AMOTL1: variants seen among roughly 807,000 people sequenced by gnomAD.
AMOTL1 encodes angiomotin-like protein 1.
In AMOTL1, 45 loss-of-function variants were observed where a neutral mutation model predicts 102.9. The ratio of observed to expected loss-of-function variants is 0.44; its 90% CI spans 0.34 to 0.56. AMOTL1 has a LOEUF of 0.56. AMOTL1 is among the 20% of genes least tolerant of loss of function. The pLI is 0.01. For synonymous variants in AMOTL1, 481 were observed against 484.7 expected (o/e 0.99, Z 0.10); for missense variants, 1,114 against 1,225.6 (o/e 0.91, Z 1.36).
chr11:94,727,484 A>G (rs944265458), intron 1 of AMOTL1, among the ~76,000 whole-genome samples: 2 of 152,146 alleles, frequency 1.3e-5, no homozygotes, highest in Admixed American at 6.6e-5. Flanking sequence ...CTGATGTCTC[A>G]GTTGGCTAAC....
intron 4 of AMOTL1, among the ~76,000 whole-genome samples, chr11:94,825,853 C>G (rs1052936772): frequency 2.6e-5 from 4 of 152,194 alleles, no homozygotes; most frequent in African/African-American, 9.7e-5. Flanking sequence ...CTTCCCATTC[C>G]TTAGTAATCC....
intron 3 of AMOTL1, among the ~76,000 whole-genome samples, chr11:94,811,697 GCAA>G: frequency 6.6e-6 from 1 of 152,010 alleles, no homozygotes; most frequent in East Asian, 1.9e-4. Context: ...AAACAAACAA[GCAA>G]CAACAACAAC....
At chr11:94,747,132 C>T (rs1415181908) in intron 3 of AMOTL1, among the ~76,000 whole-genome samples, 2 of 152,010 alleles carry the variant, frequency 1.3e-5, no homozygotes, top group African/African-American at 4.8e-5. Flanking sequence ...AATTTTTAAA[C>T]TTTAGTTTTT....
At chr11:94,792,220 A>T (rs2135554474) in intron 1 of AMOTL1, among the ~76,000 whole-genome samples, 1 of 152,332 alleles carries the variant, frequency 6.6e-6, no homozygotes, top group Non-Finnish European at 1.5e-5. Context: ...TATCGCAAGG[A>T]CAGGAAACCA....
intron 3 of AMOTL1, among the ~76,000 whole-genome samples, chr11:94,812,832 AT>A (rs1410314863): frequency 2.0e-5 from 3 of 151,910 alleles, no homozygotes; most frequent in Non-Finnish European, 4.4e-5. Context: ...TGGGAAACTC[AT>A]TTTTCTGTTG....
At chr11:94,849,031 A>G (rs747556949) in intron 6 of AMOTL1, among the ~76,000 whole-genome samples, 8 of 152,222 alleles carry the variant, frequency 5.3e-5, no homozygotes, top group Non-Finnish European at 8.8e-5. Context: ...GGAACATTGA[A>G]ATGGTGTGGG....
chr11:94,856,031 C>T (rs1952655304), intron 8 of AMOTL1, among the ~76,000 whole-genome samples: 1 of 152,196 alleles, frequency 6.6e-6, no homozygotes, highest in African/African-American at 2.4e-5. Context: ...TTGTGATGCT[C>T]AGCATCTCTT....
chr11:94,737,409 C>T (rs1188331418), intron 2 of AMOTL1, among the ~76,000 whole-genome samples: 1 of 152,222 alleles, frequency 6.6e-6, no homozygotes, highest in African/African-American at 2.4e-5. Context: ...TGTAAAGGAG[C>T]ATGGCATCCA....
chr11:94,758,881 C>T (rs1457938078), intron 3 of AMOTL1, among the ~76,000 whole-genome samples: 3 of 152,070 alleles, frequency 2.0e-5, no homozygotes, highest in East Asian at 1.9e-4. Flanking sequence ...TCCAAGGCCA[C>T]GCTGCTCTCT....
Position 94,873,764 on chromosome 11 carries a change from T to C in AMOTL1, c.*2969T>C, listed in dbSNP as rs902623324. 2 of 148,874 alleles carry C rather than the reference T, an allele frequency of 1.3e-5. No individual in the cohort carries two copies. The highest frequency in any genetic ancestry group is 6.8e-5 in the Admixed American group (1 of 14,772). 9.2% of individuals were successfully genotyped at this position (148,874 alleles called of 1,614,324 possible). A position where few individuals can be genotyped will look rare whatever the true frequency, so the allele number is the denominator to read the frequency against. Reference sequence around the variant, plus strand: ...TCTATGCCTGTCTGTGATGTGTGTGTGCACGTGTAACTACACACACACACA... The same window carrying C: ...TCTATGCCTGTCTGTGATGTGTGTGCGCACGTGTAACTACACACACACACA... On this transcript the variant is annotated 3_prime_UTR_variant, in exon 13 of 13. Transcript: ENST00000433060.
intron 3 of AMOTL1, among the ~76,000 whole-genome samples, chr11:94,809,863 G>C (rs767379737): frequency 4.0e-5 from 6 of 151,884 alleles, no homozygotes; most frequent in Non-Finnish European, 8.8e-5. Flanking sequence ...TTTTTTTTCT[G>C]ATAAAGTGTT....
intron 3 of AMOTL1, among the ~76,000 whole-genome samples, chr11:94,741,799 C>T (rs553782412): frequency 3.7e-4 from 57 of 152,010 alleles, no homozygotes; most frequent in Non-Finnish European, 7.2e-4. Context: ...GTTCTTTCAT[C>T]ACTAGCCTGA....
chr11:94,722,576 C>T (rs1950190812), intron 1 of AMOTL1, among the ~76,000 whole-genome samples: 1 of 152,100 alleles, frequency 6.6e-6, no homozygotes, highest in African/African-American at 2.4e-5. Flanking sequence ...GCTCACAGAT[C>T]ACTGCTAATA....
intron 12 of AMOTL1, 46 bp from the exon 13 acceptor site, chr11:94,870,643 C>A: frequency 6.7e-7 from 1 of 1,481,644 alleles, no homozygotes; most frequent in Admixed American, 2.0e-5. Flanking sequence ...AAAGCCTATG[C>A]CCCTCCTGAG....
intron 3 of AMOTL1, among the ~76,000 whole-genome samples, chr11:94,812,491 A>G (rs1036710163): frequency 1.3e-5 from 2 of 152,208 alleles, no homozygotes; most frequent in South Asian, 4.1e-4. Flanking sequence ...TTAGTGAAAC[A>G]GTAGGGCAGA....
At chr11:94,864,597 AG>A in intron 9 of AMOTL1, 137 bp from the exon 10 acceptor site, 1 of 1,197,894 alleles carries the variant, frequency 8.3e-7, no homozygotes, top group Non-Finnish European at 1.1e-6. Context: ...TGGGAGGGAA[AG>A]GCTTCATGAG....
At position 94,709,363 on chromosome 11, in the gene AMOTL1, GA is replaced by G. The variant is rs57875615; in HGVS notation, c.-51+2776del. ...TGTGCTAGTAAACTGGCTCTCTGGA[GA>G]AAAAAAAAAGTTCCTTAATTTGCAG... On this transcript the variant is annotated intron_variant, in intron 1 of 4. Coordinates refer to the AMOTL1 transcript ENST00000299004. 1.3e-4 allele frequency among the ~76,000 whole-genome samples: 20 copies of G among 150,438 alleles called. No homozygotes were observed. The East Asian group carries it at 1.8e-3, about 13-fold the overall frequency.
intron 4 of AMOTL1, among the ~76,000 whole-genome samples, chr11:94,826,962 T>G (rs945286423): frequency 6.6e-6 from 1 of 152,216 alleles, no homozygotes; most frequent in African/African-American, 2.4e-5. Flanking sequence ...TAGTAAACTA[T>G]ATCATGGTAG....
chr11:94,807,547 G>A (rs535963257), intron 3 of AMOTL1, among the ~76,000 whole-genome samples: 2 of 152,242 alleles, frequency 1.3e-5, no homozygotes, highest in African/African-American at 4.8e-5. Context: ...AAACTATCAA[G>A]AGTAGAAGAA....
Sources: allele counts gnomAD v4.1 joint callset (sites outside exome capture counted in the v4.1 genomes callset), GRCh38; gene constraint gnomAD v4.1.1; transcripts MANE v1.5; gene names NCBI Gene and HGNC (gene_info 2026-07-23, HGNC 2026-07-21).